Variants in UMAD1 observed in about 807,000 individuals in gnomAD.
The protein encoded by UMAD1 is UBAP1-MVB12-associated (UMA)-domain containing protein 1.
A neutral mutation model predicts 6.1 loss-of-function variants in UMAD1; 8 were observed. That is an observed-to-expected ratio of 1.30 (90% CI 0.76 to 2.35). UMAD1 has a LOEUF of 2.35. Among genes scored for constraint, UMAD1 ranks in the 30% most tolerant of loss-of-function variants. UMAD1 has a pLI of 0.00. For missense variants in UMAD1, 130 were observed against 78.4 expected, an observed-to-expected ratio of 1.66 and a Z score of -2.49; for synonymous variants, 56 against 31.4, an observed-to-expected ratio of 1.78 and a Z score of -2.61.
At chr7:7,772,096 G>A (rs1782114172) in intron 2 of UMAD1, among the ~76,000 whole-genome samples, 1 of 152,046 alleles carries the variant, frequency 6.6e-6, no homozygotes, top group South Asian at 2.1e-4. Flanking sequence ...TACTGTTTGA[G>A]CATTGTAAAT....
At chr7:7,827,313 G>A (rs1783366807) in intron 3 of UMAD1, among the ~76,000 whole-genome samples, 1 of 152,042 alleles carries the variant, frequency 6.6e-6, no homozygotes, top group African/African-American at 2.4e-5. Flanking sequence ...TGCTGTGGCT[G>A]CAGTGGCCAA....
At chr7:7,669,632 AG>A (rs779487957) in intron 1 of UMAD1, among the ~76,000 whole-genome samples, 7 of 152,188 alleles carry the variant, frequency 4.6e-5, no homozygotes, top group Non-Finnish European at 8.8e-5. Context: ...TGATCATACA[AG>A]GGAATCCCAA....
intron 3 of UMAD1, among the ~76,000 whole-genome samples, chr7:7,874,811 G>C (rs1424340536): frequency 6.6e-6 from 1 of 152,186 alleles, no homozygotes; most frequent in Non-Finnish European, 1.5e-5. Context: ...CAGGACGGGG[G>C]TTGATTGTGA....
At chr7:7,809,114 A>G (rs1181087764) in intron 3 of UMAD1, among the ~76,000 whole-genome samples, 1 of 152,042 alleles carries the variant, frequency 6.6e-6, no homozygotes, top group Non-Finnish European at 1.5e-5. Flanking sequence ...TAGCAGAAAT[A>G]GTAATTAAGG....
At chr7:7,646,803 C>G (rs1350677665) in intron 1 of UMAD1, among the ~76,000 whole-genome samples, 1 of 152,082 alleles carries the variant, frequency 6.6e-6, no homozygotes, top group African/African-American at 2.4e-5. Context: ...CTCTTCTCTC[C>G]TCTGCTGCAC....
At chr7:7,799,150 A>G (rs888785142) in intron 2 of UMAD1, among the ~76,000 whole-genome samples, 5 of 152,224 alleles carry the variant, frequency 3.3e-5, no homozygotes, top group African/African-American at 1.2e-4. Context: ...AATTTTTACC[A>G]TAATAAAATA....
In UMAD1 at chr7:7,667,055, C is replaced by T. The variant is rs28992772; in HGVS notation, c.-63-6254C>T. 2.6e-4 allele frequency among the ~76,000 whole-genome samples: 39 copies of T among 152,274 alleles called. 1 individual carries two copies. In the East Asian group the frequency reaches 7.1e-3, roughly 28 times the overall value. ...AACTCCTAACCTCAGGTGATCCACCCGCCTTGGCCCCGCAAAGTGCTGGGA... is the reference window on the plus strand; with the variant it reads ...AACTCCTAACCTCAGGTGATCCACCTGCCTTGGCCCCGCAAAGTGCTGGGA... On this transcript the variant is annotated intron_variant, in intron 1 of 3. Transcript: ENST00000682710.
intron 2 of UMAD1, among the ~76,000 whole-genome samples, chr7:7,704,939 A>C (rs938383055): frequency 6.6e-6 from 1 of 152,186 alleles, no homozygotes; most frequent in African/African-American, 2.4e-5. Context: ...AGTATTCATC[A>C]TCTGAATGAA....
chr7:7,852,536 C>T (rs1783937822), intron 3 of UMAD1, among the ~76,000 whole-genome samples: 1 of 152,116 alleles, frequency 6.6e-6, no homozygotes, highest in Non-Finnish European at 1.5e-5. Flanking sequence ...GACTACTTTA[C>T]TAGAGTGGCT....
intron 2 of UMAD1, among the ~76,000 whole-genome samples, chr7:7,786,321 T>G (rs1782459984): frequency 6.6e-6 from 1 of 152,298 alleles, no homozygotes; most frequent in Admixed American, 6.5e-5. Flanking sequence ...ATCCCTCAAT[T>G]TGAGTTTGTC....
intron 1 of UMAD1, among the ~76,000 whole-genome samples, chr7:7,652,386 T>C (rs562127306): frequency 6.6e-5 from 10 of 152,344 alleles, no homozygotes; most frequent in African/African-American, 2.2e-4. Flanking sequence ...ACCAATTTTT[T>C]TAGTGTGTTT....
chr7:7,790,630 C>G (rs1374548861), intron 2 of UMAD1, among the ~76,000 whole-genome samples: 2 of 152,164 alleles, frequency 1.3e-5, no homozygotes, highest in African/African-American at 2.4e-5. Context: ...TACCTGAGTT[C>G]TTAAAGGGAC....
At chr7:7,671,297 C>T (rs1563105861) in intron 1 of UMAD1, among the ~76,000 whole-genome samples, 1 of 152,178 alleles carries the variant, frequency 6.6e-6, no homozygotes, top group African/African-American at 2.4e-5. Context: ...GCATGCCCCC[C>T]TCTTCTCTTT....
At chr7:7,712,084 A>C (rs541407545) in intron 2 of UMAD1, among the ~76,000 whole-genome samples, 2 of 152,054 alleles carry the variant, frequency 1.3e-5, no homozygotes, top group Admixed American at 1.3e-4. Context: ...TTATGAGGCT[A>C]TTTTTCTCTC....
intron 1 of UMAD1, among the ~76,000 whole-genome samples, chr7:7,653,555 C>T (rs945127850): frequency 1.6e-4 from 25 of 152,202 alleles, no homozygotes; most frequent in African/African-American, 5.8e-4. Context: ...GTGCATCACG[C>T]ACTAGGTGAT....
At position 7,659,700 on chromosome 7, in the gene UMAD1, TGAG is replaced by T. The variant is rs1304505587; in HGVS notation, c.-63-13605_-63-13603del. On this transcript the variant is annotated intron_variant, in intron 1 of 3. Transcript: ENST00000682710. ...ATGATTTCCGTTCTTTTGCATTTCC[TGAG>T]GAGTGTTTTACTTCCAATTATGTGG... Among the ~76,000 whole-genome samples the T allele has an allele frequency of 2.0e-5, 3 of 152,352 alleles. No homozygotes were observed. In the East Asian group the frequency reaches 5.8e-4, roughly 29 times the overall value.
At chr7:7,801,839 A>G (rs1782806289) in intron 3 of UMAD1, 96 bp downstream of exon 3, 1 of 672,848 alleles carries the variant, frequency 1.5e-6, no homozygotes. Context: ...TGCTCTTGCT[A>G]TGCCATAGGT....
chr7:7,843,866 T>A (rs1379133739), intron 3 of UMAD1, among the ~76,000 whole-genome samples: 1 of 152,070 alleles, frequency 6.6e-6, no homozygotes, highest in African/African-American at 2.4e-5. Context: ...AGCCATTCCT[T>A]CCCATAATTG....
intron 3 of UMAD1, among the ~76,000 whole-genome samples, chr7:7,836,540 T>C (rs1783574053): frequency 1.3e-5 from 2 of 151,872 alleles, no homozygotes; most frequent in Admixed American, 6.6e-5. Context: ...CAAAAACAGG[T>C]TACAGAGTCA....
Sources: gnomAD v4.1 joint callset for allele counts (sites outside exome capture counted in the v4.1 genomes callset) on GRCh38, gnomAD v4.1.1 for gene constraint, MANE v1.5 for transcripts, NCBI Gene and HGNC (gene_info 2026-07-23, HGNC 2026-07-21) for gene names.